PDS5B: variants seen among roughly 807,000 people sequenced by gnomAD.
The protein encoded by PDS5B is PDS5 cohesin associated factor B.
Under a neutral mutation model 184.1 loss-of-function variants are expected in PDS5B, and 51 were observed. That is an observed-to-expected ratio of 0.28 (90% CI 0.22 to 0.35). The LOEUF is 0.35. Ranked by LOEUF, PDS5B falls within the 10% of genes least tolerant of loss-of-function variation. The pLI, the probability that PDS5B is intolerant of heterozygous loss-of-function variation, is 1.00. For synonymous variants in PDS5B, 566 were observed against 569.2 expected, an observed-to-expected ratio of 0.99 and a Z score of 0.08; for missense variants, 1,180 against 1,723.3, an observed-to-expected ratio of 0.68 and a Z score of 5.58.
At chr13:32,701,459 A>G (rs764365652) in intron 17 of PDS5B, 21 bp downstream of exon 17, 1 of 1,386,022 alleles carries the variant, frequency 7.2e-7, no homozygotes, top group Non-Finnish European at 1.0e-6. Flanking sequence ...ATAAAATACT[A>G]AGTTCTCATT....
In PDS5B at chr13:32,777,504, T is replaced by C. The variant is rs1288031279; in HGVS notation, c.*2452T>C. 6.6e-6 allele frequency: 1 copy of C among 152,300 alleles called. No individual in the cohort carries two copies. The highest frequency in any genetic ancestry group is 2.4e-5 in the African/African-American group (1 of 41,442). 9.4% of individuals were successfully genotyped at this position (152,300 alleles called of 1,614,324 possible). ...ACATACTTTACAGTAAAATTAAGTG[T>C]GTATAAAACATTAATTGCTAACAAT... On this transcript the variant is annotated 3_prime_UTR_variant, in exon 35 of 35. Transcript: ENST00000315596.
At chr13:32,715,670 C>T (rs1202322755) in intron 19 of PDS5B, among the ~76,000 whole-genome samples, 1 of 152,118 alleles carries the variant, frequency 6.6e-6, no homozygotes, top group Non-Finnish European at 1.5e-5. Context: ...CCCACGGTCT[C>T]CCTCTCCCTC....
chr13:32,706,897 A>G (rs1202591132), intron 17 of PDS5B, 37 bp from the exon 18 acceptor site: 2 of 1,300,298 alleles, frequency 1.5e-6, no homozygotes, highest in Admixed American at 1.8e-5. Context: ...CATTGCTAGT[A>G]ACATTTGAAA....
chr13:32,696,974 T>A, intron 15 of PDS5B, 72 bp downstream of exon 15: 1 of 945,890 alleles, frequency 1.1e-6, no homozygotes, highest in East Asian at 2.6e-5. Flanking sequence ...AAGTGTTTCA[T>A]GCAGTTTTGT....
intron 19 of PDS5B, among the ~76,000 whole-genome samples, chr13:32,720,927 A>G (rs1259223863): frequency 6.6e-6 from 1 of 152,162 alleles, no homozygotes; most frequent in Non-Finnish European, 1.5e-5. Flanking sequence ...CTGAGTTGAC[A>G]CAGCACATGT....
chr13:32,655,209 T>A (rs1950470950), intron 3 of PDS5B, among the ~76,000 whole-genome samples: 1 of 151,404 alleles, frequency 6.6e-6, no homozygotes, highest in Non-Finnish European at 1.5e-5. Context: ...TTTTTGACTT[T>A]TTAACAATAG....
chr13:32,621,526 T>C (rs2058301411), intron 1 of PDS5B, among the ~76,000 whole-genome samples: 1 of 152,218 alleles, frequency 6.6e-6, no homozygotes, highest in African/African-American at 2.4e-5. Flanking sequence ...GAATCGTTTG[T>C]GTAAGATGGA....
At chr13:32,729,560 C>A (rs147233548) in intron 19 of PDS5B, among the ~76,000 whole-genome samples, 1,775 of 152,304 alleles carry the variant, frequency 0.012, 38 homozygotes, top group African/African-American at 0.041. Context: ...TATGCTCCCA[C>A]CAACAGTGTA....
At chr13:32,683,394 C>A (rs934480118) in intron 10 of PDS5B, among the ~76,000 whole-genome samples, 7 of 149,942 alleles carry the variant, frequency 4.7e-5, no homozygotes, top group African/African-American at 1.7e-4. Flanking sequence ...GATCTCCGCT[C>A]ACCGCAGCCT....
Position 32,753,320 on chromosome 13 carries a change from G to C in PDS5B, c.2737-12G>C. On this transcript the variant is annotated splice_polypyrimidine_tract_variant and intron_variant, in intron 24 of 34. Coordinates refer to ENST00000315596, the MANE Select transcript of PDS5B (RefSeq NM_015032.4). ...CATTTGAATAATATCTGGAATAATT[G>C]TGTCTTTACAGGATGAATGCTATCA... The C allele has an allele frequency of 3.7e-6, 6 of 1,601,592 alleles. No homozygotes were observed. The highest frequency in any genetic ancestry group is 5.1e-6 in the Non-Finnish European group (6 of 1,169,800).
At chr13:32,714,719 A>C (rs900399534) in intron 19 of PDS5B, among the ~76,000 whole-genome samples, 5 of 152,298 alleles carry the variant, frequency 3.3e-5, no homozygotes, top group East Asian at 1.9e-4. Flanking sequence ...GTTTAAGGTT[A>C]TCTCTCTTAT....
chr13:32,738,971 G>A (rs904655236), intron 21 of PDS5B, among the ~76,000 whole-genome samples: 3 of 152,022 alleles, frequency 2.0e-5, no homozygotes, highest in Non-Finnish European at 4.4e-5. Context: ...CACGCGCCTG[G>A]CCTGAACAAA....
Position 32,675,975 on chromosome 13 carries a change from T to G in PDS5B, c.962+16T>G. 6.6e-7 allele frequency: 1 copy of G among 1,516,540 alleles called. No individual in the cohort carries two copies. The highest frequency in any genetic ancestry group is 9.2e-7 in the Non-Finnish European group (1 of 1,091,622). The allele number at this position is 1,516,540 out of a possible 1,614,324, so 93.9% of individuals were successfully genotyped here. A position where few individuals can be genotyped will look rare whatever the true frequency, so the allele number is the denominator to read the frequency against. On this transcript the variant is annotated intron_variant, in intron 9 of 34. Transcript: ENST00000315596. ...ACTTGGGCAGGTATATGATTTTGGTTTCCCATTTAAAAGTAATACATTATT... is the reference window on the plus strand; with the variant it reads ...ACTTGGGCAGGTATATGATTTTGGTGTCCCATTTAAAAGTAATACATTATT...
intron 7 of PDS5B, 45 bp from the exon 8 acceptor site, chr13:32,673,171 T>G: frequency 6.5e-7 from 1 of 1,537,690 alleles, no homozygotes; most frequent in Non-Finnish European, 8.9e-7. Context: ...ATTCAACTTG[T>G]CTCTGGTTTT....
intron 1 of PDS5B, among the ~76,000 whole-genome samples, chr13:32,604,856 T>C (rs188878572): frequency 6.6e-6 from 1 of 152,372 alleles, no homozygotes; most frequent in African/African-American, 2.4e-5. Context: ...CTAGTTTATT[T>C]GCATAGAGGT....
At chr13:32,740,623 G>GA (rs1953506527) in intron 21 of PDS5B, among the ~76,000 whole-genome samples, 1 of 151,938 alleles carries the variant, frequency 6.6e-6, no homozygotes, top group Non-Finnish European at 1.5e-5. Flanking sequence ...ACTTGCACAT[G>GA]ATCACCTCAG....
chr13:32,750,789 G>T (rs1487210145), intron 24 of PDS5B, among the ~76,000 whole-genome samples: 1 of 151,818 alleles, frequency 6.6e-6, no homozygotes, highest in South Asian at 2.1e-4. Context: ...TGATCCACTT[G>T]CCTTGGCCTC....
chr13:32,701,054 A>T (rs1003276987), intron 16 of PDS5B: 1 of 225,364 alleles, frequency 4.4e-6, no homozygotes, highest in Non-Finnish European at 8.8e-6. Context: ...TGAGACAGGG[A>T]CCTTACTTTG....
At chr13:32,716,084 C>T (rs1483544231) in intron 19 of PDS5B, among the ~76,000 whole-genome samples, 79 of 152,086 alleles carry the variant, frequency 5.2e-4, no homozygotes, top group Middle Eastern at 3.4e-3. Flanking sequence ...GCCACCACCC[C>T]GTCTGGGAAG....
Sources: allele counts gnomAD v4.1 joint callset (sites outside exome capture counted in the v4.1 genomes callset), GRCh38; gene constraint gnomAD v4.1.1; transcripts MANE v1.5; gene names NCBI Gene and HGNC (gene_info 2026-07-23, HGNC 2026-07-21).